The following FAM216A variants were observed in gnomAD, a reference collection of about 807,000 sequenced individuals.
FAM216A encodes family with sequence similarity 216 member A, also known as protein FAM216A.
In FAM216A, 26 loss-of-function variants were observed where a neutral mutation model predicts 37.6. The ratio of observed to expected loss-of-function variants is 0.69; its 90% CI spans 0.51 to 0.96. The LOEUF (loss-of-function observed/expected upper bound fraction) is 0.96. Ranked by LOEUF, FAM216A falls within the 40% of genes least tolerant of loss-of-function variation. FAM216A has a pLI of 0.00. For synonymous variants in FAM216A, 110 were observed against 121.7 expected, an observed-to-expected ratio of 0.90 and a Z score of 0.64; for missense variants, 326 against 339.3, an observed-to-expected ratio of 0.96 and a Z score of 0.31.
intron 2 of FAM216A, among the ~76,000 whole-genome samples, chr12:110,474,521 C>T (rs2062704642): frequency 6.6e-6 from 1 of 151,512 alleles, no homozygotes; most frequent in Non-Finnish European, 1.5e-5. Flanking sequence ...GAAACCCCGT[C>T]TCTGCTAAAT....
intron 6 of FAM216A, among the ~76,000 whole-genome samples, chr12:110,488,423 AAAAAG>A (rs1163829630): frequency 5.1e-4 from 78 of 151,728 alleles, no homozygotes; most frequent in African/African-American, 1.7e-3. Flanking sequence ...AAAAAAAAAA[AAAAAG>A]AAAAGAAAAG....
At chr12:110,469,672 G>C (rs1303236826) in intron 1 of FAM216A, among the ~76,000 whole-genome samples, 1 of 151,764 alleles carries the variant, frequency 6.6e-6, no homozygotes, top group Non-Finnish European at 1.5e-5. Flanking sequence ...ACCACGCCCG[G>C]CTAATTTTTG....
intron 2 of FAM216A, among the ~76,000 whole-genome samples, chr12:110,475,855 C>G (rs1160861911): frequency 1.3e-5 from 2 of 151,944 alleles, no homozygotes; most frequent in African/African-American, 4.8e-5. Flanking sequence ...TCCCACCTTA[C>G]CCTCCAGAGT....
upstream of FAM216A, chr12:110,468,708 G>T: frequency 6.6e-7 from 1 of 1,511,886 alleles, no homozygotes; most frequent in African/African-American, 1.4e-5. Flanking sequence ...CGACCGCAGC[G>T]CTCCTGCCCC....
In FAM216A at chr12:110,486,533, G is replaced by C; in HGVS notation, c.437-1G>C. Reference sequence around the variant, plus strand: ...CTTTTAACAGGTGATTTGTATCACAGGTGTCCTCACTCATCACAGAAGCCG... The same window carrying C: ...CTTTTAACAGGTGATTTGTATCACACGTGTCCTCACTCATCACAGAAGCCG... On this transcript the variant is annotated splice_acceptor_variant, in intron 4 of 6. Coordinates refer to ENST00000377673, the MANE Select transcript of FAM216A (RefSeq NM_013300.3). LOFTEE classifies it high-confidence loss of function. 6.2e-7 allele frequency: 1 copy of C among 1,612,090 alleles called. No homozygotes were observed. Among genetic ancestry groups the C allele is most frequent in the Non-Finnish European group, 8.5e-7 (1 of 1,178,428 alleles).
intron 1 of FAM216A, 91 bp downstream of exon 1, chr12:110,469,109 G>T (rs2062661916): frequency 1.5e-6 from 2 of 1,308,308 alleles, no homozygotes; most frequent in Admixed American, 7.4e-5. Flanking sequence ...GGAGGGCTGC[G>T]GCCGACCTCT....
At chr12:110,485,035 C>G (rs753641921) in intron 2 of FAM216A, 43 bp from the exon 3 acceptor site, 1 of 1,581,358 alleles carries the variant, frequency 6.3e-7, no homozygotes, top group Non-Finnish European at 8.6e-7. Context: ...GTTTGTTGAA[C>G]TGATCTTTGC....
At chr12:110,485,296 G>T in intron 3 of FAM216A, 97 bp downstream of exon 3, 24 of 1,040,516 alleles carry the variant, frequency 2.3e-5, no homozygotes, top group Non-Finnish European at 2.8e-5. Flanking sequence ...AGATACTGCA[G>T]ATGACAAGGC....
In FAM216A at chr12:110,486,608, C is replaced by T. The variant is rs776728791; in HGVS notation, c.511C>T (p.Arg171Ter). Residue 171 changes from arginine to a stop codon, truncating the protein, a stop_gained, in exon 5 of 7, where the codon CGA (arginine) becomes TGA (stop). Transcript: ENST00000377673. LOFTEE classifies it high-confidence loss of function. Reference protein sequence around the residue: ...QKQHYPCTTWRHQLEREDSGS... With the variant: ...QKQHYPCTTW ...ACAGCATTACCCTTGCACTACATGG[C>T]GACATCAACTGGAGAGAGAGGACTC... 1.3e-5 allele frequency: 21 copies of T among 1,613,990 alleles called. No individual in the cohort carries two copies. Among genetic ancestry groups the T allele is most frequent in the African/African-American group, 9.3e-5 (7 of 74,910 alleles).
At chr12:110,478,052 T>G (rs1364850506) in intron 2 of FAM216A, among the ~76,000 whole-genome samples, 1 of 152,194 alleles carries the variant, frequency 6.6e-6, no homozygotes, top group Non-Finnish European at 1.5e-5. Flanking sequence ...ATTTTTCAGA[T>G]GGCTTTCTAA....
intron 3 of FAM216A, 34 bp from the exon 4 acceptor site, chr12:110,486,291 T>G: frequency 6.4e-7 from 1 of 1,556,616 alleles, no homozygotes; most frequent in Non-Finnish European, 8.7e-7. Context: ...TCTAATACAA[T>G]GCAGACTATA....
At chr12:110,471,908 A>T (rs566066328) in intron 1 of FAM216A, among the ~76,000 whole-genome samples, 2 of 152,304 alleles carry the variant, frequency 1.3e-5, no homozygotes, top group South Asian at 2.1e-4. Context: ...CCAACTTATT[A>T]GTTCTAGCAC....
At chr12:110,478,425 T>G (rs902857535) in intron 2 of FAM216A, among the ~76,000 whole-genome samples, 4 of 152,200 alleles carry the variant, frequency 2.6e-5, no homozygotes, top group African/African-American at 9.6e-5. Context: ...AGGAGCAATT[T>G]TGCAGGTAAA....
chr12:110,468,620 C>T, upstream of FAM216A: 4 of 1,537,264 alleles, frequency 2.6e-6, no homozygotes, highest in Admixed American at 2.0e-5. Flanking sequence ...GAAGGCACCT[C>T]TTGTTTTGGG....
chr12:110,482,527 G>T (rs1425663953), intron 2 of FAM216A, among the ~76,000 whole-genome samples: 1 of 151,974 alleles, frequency 6.6e-6, no homozygotes, highest in Non-Finnish European at 1.5e-5. Context: ...CGGGCACGGT[G>T]GCTCACGCCT....
At chr12:110,483,651 C>T (rs1173961447) in intron 2 of FAM216A, among the ~76,000 whole-genome samples, 1 of 152,044 alleles carries the variant, frequency 6.6e-6, no homozygotes, top group East Asian at 1.9e-4. Flanking sequence ...TGGTAAAACC[C>T]CATCTCTACT....
At chr12:110,482,473 A>G (rs1030228568) in intron 2 of FAM216A, among the ~76,000 whole-genome samples, 5 of 152,104 alleles carry the variant, frequency 3.3e-5, no homozygotes, top group Admixed American at 6.6e-5. Flanking sequence ...ACATAATCAA[A>G]TAACAGTGTA....
At chr12:110,474,444 CT>C (rs2062704196) in intron 2 of FAM216A, among the ~76,000 whole-genome samples, 1 of 151,956 alleles carries the variant, frequency 6.6e-6, no homozygotes, top group African/African-American at 2.4e-5. Context: ...AATCCCAGTA[CT>C]TTGGGAGGCC....
intron 1 of FAM216A, among the ~76,000 whole-genome samples, chr12:110,469,581 C>T (rs1464338634): frequency 6.6e-6 from 1 of 152,034 alleles, no homozygotes; most frequent in African/African-American, 2.4e-5. Context: ...GCGATCTCAG[C>T]TCACTGCAAC....
Sources: allele counts gnomAD v4.1 joint callset (sites outside exome capture counted in the v4.1 genomes callset), GRCh38; gene constraint gnomAD v4.1.1; transcripts MANE v1.5; gene names NCBI Gene and HGNC (gene_info 2026-07-23, HGNC 2026-07-21).